The following RLN2 variants were observed in gnomAD, a reference collection of about 807,000 sequenced individuals.
RLN2 encodes the protein relaxin 2, also known as prorelaxin H2.
A neutral mutation model predicts 7.3 loss-of-function variants in RLN2; 10 were observed. That is an observed-to-expected ratio of 1.36 (90% CI 0.84 to 2.31). The LOEUF is 2.31. Among genes scored for constraint, RLN2 ranks in the 30% most tolerant of loss-of-function variants. RLN2 has a pLI of 0.00. For synonymous variants in RLN2, 103 were observed against 82.3 expected, an observed-to-expected ratio of 1.25 and a Z score of -1.36; for missense variants, 298 against 217.6, an observed-to-expected ratio of 1.37 and a Z score of -2.32.
chr9:5,300,842 T>C (rs1033400726), intron 1 of RLN2, among the ~76,000 whole-genome samples: 6 of 152,212 alleles, frequency 3.9e-5, no homozygotes, highest in Non-Finnish European at 5.9e-5. Flanking sequence ...TCCATTGCTA[T>C]GATTTATGAT....
upstream of RLN2, among the ~76,000 whole-genome samples, chr9:5,309,292 G>T (rs1816305882): frequency 6.6e-6 from 1 of 151,986 alleles, no homozygotes; most frequent in Non-Finnish European, 1.5e-5. Context: ...GCTCAGCGTT[G>T]ATAGAAAATT....
At chr9:5,335,416 T>C in the RLN2 span, 2 of 1,613,740 alleles carry the variant, frequency 1.2e-6, no homozygotes, top group African/African-American at 1.3e-5. Context: ...TGCGAATAAG[T>C]TTCTTAAATT....
chr9:5,309,863 T>C, the RLN2 span, among the ~76,000 whole-genome samples: 18 of 152,002 alleles, frequency 1.2e-4, no homozygotes, highest in East Asian at 3.5e-3. Flanking sequence ...GGTGGAAGCA[T>C]GGGAGCACCT....
At chr9:5,320,563 G>T in the RLN2 span, among the ~76,000 whole-genome samples, 1 of 151,280 alleles carries the variant, frequency 6.6e-6, no homozygotes, top group Non-Finnish European at 1.5e-5. Context: ...TAGAGATGGA[G>T]TTTCACCATG....
At chr9:5,311,267 TG>T in the RLN2 span, among the ~76,000 whole-genome samples, 1 of 150,024 alleles carries the variant, frequency 6.7e-6, no homozygotes, top group Non-Finnish European at 1.5e-5. Context: ...AAGATGAGAG[TG>T]GGGGGCGGGG....
the RLN2 span, among the ~76,000 whole-genome samples, chr9:5,326,502 G>C: frequency 7.2e-5 from 11 of 152,082 alleles, no homozygotes; most frequent in African/African-American, 2.7e-4. Flanking sequence ...TCCATCAGAA[G>C]CCAGAGTGTG....
upstream of RLN2, among the ~76,000 whole-genome samples, chr9:5,306,109 GTTTT>G (rs199949652): frequency 6.8e-5 from 9 of 131,530 alleles, no homozygotes; most frequent in South Asian, 4.8e-4. Flanking sequence ...TTTGTTTTTT[GTTTT>G]TTTTTTTTTT....
At chr9:5,307,166 A>T (rs2130996676), upstream of RLN2, among the ~76,000 whole-genome samples, 1 of 151,984 alleles carries the variant, frequency 6.6e-6, no homozygotes, top group African/African-American at 2.4e-5. Context: ...GCTTTTTCTC[A>T]CAGGCTCTTA....
the RLN2 span, among the ~76,000 whole-genome samples, chr9:5,329,283 C>T: frequency 8.8e-5 from 11 of 124,586 alleles, no homozygotes; most frequent in Non-Finnish European, 1.1e-4. Context: ...GCAGTCCGGC[C>T]TGGGCGACAG....
chr9:5,326,984 G>GAAGACAGGTGATTTCTGC, the RLN2 span, among the ~76,000 whole-genome samples: 2 of 152,056 alleles, frequency 1.3e-5, no homozygotes, highest in African/African-American at 4.8e-5. Context: ...GATTGATGCA[G>GAAGACAGGTGATTTCTGC]AAGACAGGTG....
At chr9:5,326,831 T>C in the RLN2 span, among the ~76,000 whole-genome samples, 5 of 152,046 alleles carry the variant, frequency 3.3e-5, no homozygotes, top group South Asian at 1.0e-3. Context: ...AAGTAAATAC[T>C]AAGTATTGAA....
chr9:5,308,241 C>A (rs1586937830), upstream of RLN2, among the ~76,000 whole-genome samples: 1 of 151,988 alleles, frequency 6.6e-6, no homozygotes, highest in East Asian at 1.9e-4. Flanking sequence ...TTCAAAAAGT[C>A]TTCTTCTCAG....
At chr9:5,321,113 T>C in the RLN2 span, among the ~76,000 whole-genome samples, 1 of 152,150 alleles carries the variant, frequency 6.6e-6, no homozygotes, top group African/African-American at 2.4e-5. Flanking sequence ...ATCACAGTTT[T>C]AACCAAAAGT....
the RLN2 span, among the ~76,000 whole-genome samples, chr9:5,322,728 T>A: frequency 0.011 from 1,676 of 150,776 alleles, 27 homozygotes; most frequent in African/African-American, 0.038. Flanking sequence ...TCACTGGAGA[T>A]GTCCATATCT....
the RLN2 span, among the ~76,000 whole-genome samples, chr9:5,317,386 A>G: frequency 6.6e-6 from 1 of 151,368 alleles, no homozygotes; most frequent in Admixed American, 6.6e-5. Context: ...CAGGAGGCAG[A>G]GGTTGCAATG....
chr9:5,335,324 C>T, the RLN2 span: 22 of 1,611,712 alleles, frequency 1.4e-5, no homozygotes, highest in Middle Eastern at 1.6e-4. Flanking sequence ...CACGTAGGGT[C>T]GTCTCTTTTT....
At chr9:5,335,502 A>AT in the RLN2 span, 2 of 1,613,158 alleles carry the variant, frequency 1.2e-6, no homozygotes, top group South Asian at 2.2e-5. Context: ...TGCCTCTCAG[A>AT]TAGGGCTGCC....
chr9:5,316,395 A>G, the RLN2 span, among the ~76,000 whole-genome samples: 1 of 150,656 alleles, frequency 6.6e-6, no homozygotes, highest in African/African-American at 2.5e-5. Context: ...TGCACCATCA[A>G]CCCGATATCT....
chr9:5,301,746 G>A (rs1409384000), intron 1 of RLN2, among the ~76,000 whole-genome samples: 3 of 152,114 alleles, frequency 2.0e-5, no homozygotes, highest in Non-Finnish European at 4.4e-5. Flanking sequence ...TTCTGGGGCT[G>A]ATCATTTCCT....
Sources: gnomAD v4.1 joint callset for allele counts (sites outside exome capture counted in the v4.1 genomes callset) on GRCh38, gnomAD v4.1.1 for gene constraint, MANE v1.5 for transcripts, NCBI Gene and HGNC (gene_info 2026-07-23, HGNC 2026-07-21) for gene names.